The following RTN1 variants were observed in gnomAD, a reference collection of about 807,000 sequenced individuals.
The protein encoded by RTN1 is reticulon-1.
RTN1 carries 25 observed loss-of-function variants against 65.5 expected under a neutral mutation model. The observed-to-expected ratio is 0.38, with a 90% confidence interval of 0.28 to 0.53. The LOEUF (loss-of-function observed/expected upper bound fraction) is 0.53, where lower values mean the gene tolerates loss of function less well. Ranked by LOEUF, RTN1 falls within the 20% of genes least tolerant of loss-of-function variation. The probability of loss-of-function intolerance (pLI) is 0.79; values close to 1 mark genes in which losing one functional copy is unlikely to be tolerated. For missense variants in RTN1, 983 were observed against 1,025.4 expected (o/e 0.96, Z 0.57); for synonymous variants, 471 against 447.6 (o/e 1.05, Z -0.66).
chr14:59,634,944 T>C (rs1259337298), intron 3 of RTN1, among the ~76,000 whole-genome samples: 4 of 152,186 alleles, frequency 2.6e-5, no homozygotes, highest in Non-Finnish European at 4.4e-5. Flanking sequence ...TGAGTAGTAA[T>C]ACTGGCAGTA....
At chr14:59,649,950 T>G (rs1040796558) in intron 3 of RTN1, among the ~76,000 whole-genome samples, 3 of 152,198 alleles carry the variant, frequency 2.0e-5, no homozygotes, top group African/African-American at 7.2e-5. Context: ...CATATGCACA[T>G]GTATGTTTAT....
At chr14:59,617,222 A>T (rs1377673826) in intron 3 of RTN1, among the ~76,000 whole-genome samples, 1 of 152,240 alleles carries the variant, frequency 6.6e-6, no homozygotes, top group African/African-American at 2.4e-5. Context: ...TTGTTCACAA[A>T]GTCCCTGTAC....
chr14:59,652,723 T>G (rs1325471822), intron 3 of RTN1, among the ~76,000 whole-genome samples: 1 of 152,134 alleles, frequency 6.6e-6, no homozygotes, highest in Non-Finnish European at 1.5e-5. Flanking sequence ...TATTGGGTAC[T>G]AGGCTTAGTA....
intron 1 of RTN1, among the ~76,000 whole-genome samples, chr14:59,755,074 G>A (rs186767508): frequency 1.6e-4 from 24 of 152,240 alleles, no homozygotes; most frequent in African/African-American, 4.8e-4. Flanking sequence ...ATTCTGACTC[G>A]CTAGGGTTGA....
At chr14:59,852,345 G>A (rs1400284878) in intron 1 of RTN1, among the ~76,000 whole-genome samples, 1 of 152,046 alleles carries the variant, frequency 6.6e-6, no homozygotes, top group East Asian at 1.9e-4. Flanking sequence ...ACATAAAATT[G>A]AGAAAAAAAC....
In RTN1 at chr14:59,727,310, G is replaced by A. The variant is rs1884792052; in HGVS notation, c.1374C>T (p.Arg458=). The A allele has an allele frequency of 8.0e-6, 12 of 1,495,060 alleles. No individual in the cohort carries two copies. Among genetic ancestry groups the A allele is most frequent in the South Asian group, 5.3e-5 (4 of 75,474 alleles). 92.6% of individuals were successfully genotyped at this position (1,495,060 alleles called of 1,614,324 possible). A position where few individuals can be genotyped will look rare whatever the true frequency, so the allele number is the denominator to read the frequency against. ...TGAGCTCGCTGTCCAGCTCGGCCTC[G>A]CGCTCCTCCCTCAGGATGCTGTACT... ...SIQYSILREE[R]EAELDSELII... Residue 458 remains arginine (R), a synonymous_variant, in exon 3 of 9, where the codon CGC becomes CGT. Transcript: ENST00000267484. The surrounding 1 kb of genome is among the most constrained non-coding windows in gnomAD (Gnocchi z 4.2).
chr14:59,647,069 T>TG (rs1248880902), intron 3 of RTN1: 1 of 152,716 alleles, frequency 6.5e-6, no homozygotes, highest in Non-Finnish European at 1.5e-5. Context: ...CCATCTCACA[T>TG]GCAGTGACAT....
intron 3 of RTN1, among the ~76,000 whole-genome samples, chr14:59,645,205 C>T (rs1476379244): frequency 6.6e-6 from 1 of 152,040 alleles, no homozygotes; most frequent in Non-Finnish European, 1.5e-5. Context: ...AGATCCATAC[C>T]TCCCTGGGAT....
chr14:59,628,627 A>G (rs963941617), intron 3 of RTN1, among the ~76,000 whole-genome samples: 1 of 152,240 alleles, frequency 6.6e-6, no homozygotes, highest in Non-Finnish European at 1.5e-5. Flanking sequence ...GTCGCTGAGT[A>G]TAAAAGATTC....
chr14:59,712,207 G>A (rs1190733258), intron 3 of RTN1, among the ~76,000 whole-genome samples: 2 of 152,036 alleles, frequency 1.3e-5, no homozygotes, highest in Non-Finnish European at 2.9e-5. Flanking sequence ...GATTGTGGAG[G>A]GAGCCCCAAA....
At chr14:59,778,953 G>A (rs900820088) in intron 1 of RTN1, among the ~76,000 whole-genome samples, 8 of 152,128 alleles carry the variant, frequency 5.3e-5, no homozygotes, top group Admixed American at 3.9e-4. Flanking sequence ...GGGAGTCACC[G>A]AAGGGCTTTA....
chr14:59,782,241 G>A (rs1886169107), intron 1 of RTN1, among the ~76,000 whole-genome samples: 1 of 152,122 alleles, frequency 6.6e-6, no homozygotes, highest in South Asian at 2.1e-4. Context: ...TTTTGTTACA[G>A]AAGCCCAAAC....
At position 59,702,934 on chromosome 14, in the gene RTN1, A is replaced by T. The variant is rs554639427; in HGVS notation, c.1765+23985T>A. Among the ~76,000 whole-genome samples the T allele has an allele frequency of 5.9e-5, 9 of 152,294 alleles. 1 individual carries two copies. In the South Asian group the frequency reaches 1.9e-3, roughly 32 times the overall value. On this transcript the variant is annotated intron_variant, in intron 3 of 8. Coordinates refer to ENST00000267484, the MANE Select transcript of RTN1 (RefSeq NM_021136.3). Reference sequence around the variant, plus strand: ...GGCTTCCTTGCGGTTCTGTGAACACATCAGACAACTCCTGCTTTAGGGCCT... The same window carrying T: ...GGCTTCCTTGCGGTTCTGTGAACACTTCAGACAACTCCTGCTTTAGGGCCT...
At chr14:59,724,145 C>T (rs567804013) in intron 3 of RTN1, among the ~76,000 whole-genome samples, 1 of 152,142 alleles carries the variant, frequency 6.6e-6, no homozygotes, top group African/African-American at 2.4e-5. Flanking sequence ...AAATACAGGG[C>T]GGCAAGAGCT....
intron 3 of RTN1, among the ~76,000 whole-genome samples, chr14:59,724,873 G>A (rs796451469): frequency 3.5e-4 from 54 of 152,322 alleles, no homozygotes; most frequent in African/African-American, 1.2e-3. Context: ...TCCAGTTCTT[G>A]GCTGCCTCAG....
At chr14:59,839,763 A>G (rs1887276893) in intron 1 of RTN1, among the ~76,000 whole-genome samples, 2 of 152,274 alleles carry the variant, frequency 1.3e-5, no homozygotes, top group African/African-American at 2.4e-5. Context: ...ACCCATAGAG[A>G]TAACTCAGGT....
chr14:59,782,448 G>A (rs553176594), intron 1 of RTN1, among the ~76,000 whole-genome samples: 60 of 152,284 alleles, frequency 3.9e-4, no homozygotes, highest in African/African-American at 1.4e-3. Context: ...AATTAAAGTT[G>A]AAAAGTTTAA....
intron 3 of RTN1, among the ~76,000 whole-genome samples, chr14:59,715,926 A>C (rs1298475600): frequency 6.6e-6 from 1 of 152,166 alleles, no homozygotes; most frequent in Non-Finnish European, 1.5e-5. Flanking sequence ...ACTTTCTAGA[A>C]TCATTTATTT....
intron 3 of RTN1, among the ~76,000 whole-genome samples, chr14:59,607,914 A>AG (rs1236674688): frequency 6.9e-6 from 1 of 144,448 alleles, no homozygotes; most frequent in Non-Finnish European, 1.5e-5. Flanking sequence ...AAAAAAAAAA[A>AG]AGAGAGAGAG....
Sources: allele counts gnomAD v4.1 joint callset (sites outside exome capture counted in the v4.1 genomes callset), GRCh38; gene constraint gnomAD v4.1.1; non-coding constraint Gnocchi (gnomAD v3.1); transcripts MANE v1.5; gene names NCBI Gene and HGNC (gene_info 2026-07-23, HGNC 2026-07-21).